ADAM33: variants seen among roughly 807,000 people sequenced by gnomAD.
ADAM33 encodes the protein ADAM metallopeptidase domain 33.
Under a neutral mutation model 106.2 loss-of-function variants are expected in ADAM33, and 103 were observed. The observed-to-expected ratio is 0.97, with a 90% CI of 0.83 to 1.14. The LOEUF (loss-of-function observed/expected upper bound fraction) is 1.14. Ranked by LOEUF, ADAM33 falls within the 50% of genes most tolerant of loss-of-function variation. The pLI is 0.00. For synonymous variants in ADAM33, 483 were observed against 453.0 expected (o/e 1.07, Z -0.84); for missense variants, 1,120 against 1,096.6 (o/e 1.02, Z -0.30).
intron 14 of ADAM33, 46 bp from the exon 15 acceptor site, chr20:3,672,031 C>A: frequency 6.4e-7 from 1 of 1,552,628 alleles, no homozygotes; most frequent in Non-Finnish European, 8.7e-7. Flanking sequence ...AGAGGGGCTG[C>A]GCTCAGCGGG....
At chr20:3,678,709 G>A (rs536306480) in intron 2 of ADAM33, among the ~76,000 whole-genome samples, 4 of 152,336 alleles carry the variant, frequency 2.6e-5, no homozygotes, top group African/African-American at 7.2e-5. Context: ...GTTTAAAATC[G>A]TTCAGACCTT....
rs756363803 is a variant in ADAM33 at position 3,679,497 on chromosome 20, C to T, written c.172G>A (p.Glu58Lys). The T allele has an allele frequency of 1.7e-5, 27 of 1,607,536 alleles. No individual in the cohort carries two copies. Among genetic ancestry groups the T allele is most frequent in the Non-Finnish European group, 2.2e-5 (26 of 1,177,140 alleles). ...CGGGGAGACATGGCACTGACCGGCTCCTCCAGGCTGACGGTGCGCCAGGGT... is the reference window on the plus strand; with the variant it reads ...CGGGGAGACATGGCACTGACCGGCTTCTCCAGGCTGACGGTGCGCCAGGGT... Reference protein sequence around the residue: ...GQPWRTVSLEEPVSKPDMGLV... With the variant: ...GQPWRTVSLEKPVSKPDMGLV... The change falls in exon 2 of 22, where the codon GAG becomes AAG. Residue 58 changes from glutamate (E) to lysine (K), a missense_variant. By Grantham distance (56) the Glu-to-Lys change is moderately conservative (BLOSUM62 1). Transcript: ENST00000356518.
In ADAM33 at chr20:3,672,597, G is replaced by C. The variant is rs754234183; in HGVS notation, c.1341C>G (p.His447Gln). Residue 447 changes from histidine (H) to glutamine (Q), a missense_variant, in exon 13 of 22, where the codon CAC (histidine) becomes CAG (glutamine). Physicochemically the swap from His to Gln is conservative, Grantham distance 24. Coordinates refer to ENST00000356518, the MANE Select transcript of ADAM33 (RefSeq NM_025220.5). ...GGGCCCCCGGGCGCAGCGAGCAGTT[G>C]TGAGCAAAGCAGCAGAGGTCGCGGC... ...QECRDLCCFA[H>Q]NCSLRPGAQC... 6.2e-7 allele frequency: 1 copy of C among 1,613,600 alleles called. No individual in the cohort carries two copies. Among genetic ancestry groups the C allele is most frequent in the South Asian group, 1.1e-5 (1 of 91,080 alleles).
chr20:3,679,411 C>A, intron 2 of ADAM33, 81 bp downstream of exon 2: 1 of 1,452,120 alleles, frequency 6.9e-7, no homozygotes, highest in South Asian at 1.2e-5. Context: ...CCCAGCAAAA[C>A]TAGAAGCTGT....
intron 11 of ADAM33, 53 bp downstream of exon 11, chr20:3,673,301 G>C (rs1456916755): frequency 6.5e-7 from 1 of 1,534,934 alleles, no homozygotes; most frequent in Admixed American, 2.0e-5. Context: ...CGCAGCGGAG[G>C]AAGTCCCCAG....
chr20:3,669,856 C>G (rs1364773802), intron 19 of ADAM33: 2 of 654,614 alleles, frequency 3.1e-6, no homozygotes, highest in African/African-American at 3.6e-5. Context: ...CGGCTGGCAC[C>G]TCCTCTCTCT....
Position 3,681,887 on chromosome 20 carries a change from G to A in ADAM33, c.97+21C>T, listed in dbSNP as rs1281718305. 1.9e-6 allele frequency: 3 copies of A among 1,594,052 alleles called. No homozygotes were observed. The Admixed American group carries it at 5.2e-5, about 27-fold the overall frequency. ...CCGCGCCTAGCCTGCCCCTCAGGGCGCACCCCGCCCGCGTCCTCACCTTGA... is the reference window on the plus strand; with the variant it reads ...CCGCGCCTAGCCTGCCCCTCAGGGCACACCCCGCCCGCGTCCTCACCTTGA... On this transcript the variant is annotated intron_variant, in intron 1 of 21. Transcript: ENST00000356518.
In ADAM33 at chr20:3,671,712, G is replaced by T. The variant is rs1236878819; in HGVS notation, c.1774C>A (p.Pro592Thr). Residue 592 changes from proline to threonine, a missense_variant, in exon 16 of 22, where the codon CCA (proline) becomes ACA (threonine). By Grantham distance (38) the Pro-to-Thr change is conservative (BLOSUM62 -1). Coordinates refer to ENST00000356518, the MANE Select transcript of ADAM33 (RefSeq NM_025220.5). ...TCTAGGTGAACGGTAGAGTCCACTGGCACCATGTGCGGTGCGAGCAGGCTG... is the reference window on the plus strand; with the variant it reads ...TCTAGGTGAACGGTAGAGTCCACTGTCACCATGTGCGGTGCGAGCAGGCTG... The part of the protein sequence containing the change: ...KPSLLAPHMV[P>T]VDSTVHLDGQ... The T allele has an allele frequency of 6.3e-7, 1 of 1,586,484 alleles. No individual in the cohort carries two copies. Among genetic ancestry groups the T allele is most frequent in the Admixed American group, 1.8e-5 (1 of 56,662 alleles).
chr20:3,671,447 C>G lies in ADAM33; in HGVS notation c.1955G>C (p.Arg652Pro). 6.2e-7 allele frequency: 1 copy of G among 1,612,336 alleles called. No individual in the cohort carries two copies. The highest frequency in any genetic ancestry group is 8.5e-7 in the Non-Finnish European group (1 of 1,179,236). Residue 652 changes from arginine (R) to proline (P), a missense_variant, in exon 17 of 22, where the codon CGC becomes CCC. Physicochemically the swap from Arg to Pro is moderately radical, Grantham distance 103. Transcript: ENST00000356518. ...CRKNAFQELQRCLTACHSHGV... is the reference protein window; with the variant it reads ...CRKNAFQELQPCLTACHSHGV... ...GTGGCTGTGGCAGGCAGTCAGGCAG[C>G]GCTGAAGCTCCTGGAAGGCATTCTT... is the stretch of plus-strand genomic sequence containing the variant.
chr20:3,681,132 G>A (rs913272182), intron 1 of ADAM33, among the ~76,000 whole-genome samples: 3 of 152,158 alleles, frequency 2.0e-5, no homozygotes, highest in Admixed American at 6.5e-5. Flanking sequence ...GCCCAGCCCC[G>A]CATGCCCCCT....
Position 3,673,759 on chromosome 20 carries a change from G to A in ADAM33, c.891C>T (p.Ser297=), listed in dbSNP as rs1233867025. The change falls in exon 9 of 22, where the codon TCC becomes TCT. Residue 297 remains serine, a synonymous_variant. Transcript: ENST00000356518. ...RGLWAQRPHD[S]AQLLTGRAFQ... ...GAGGCACCCACGTGAGCAGCTGCGCGGAGTCGTGGGGCCGCTGCGCCCACA... is the reference window on the plus strand; with the variant it reads ...GAGGCACCCACGTGAGCAGCTGCGCAGAGTCGTGGGGCCGCTGCGCCCACA... 1.4e-5 allele frequency: 21 copies of A among 1,520,872 alleles called. No individual in the cohort carries two copies. Among genetic ancestry groups the A allele is most frequent in the African/African-American group, 2.8e-5 (2 of 72,208 alleles). 94.2% of individuals were successfully genotyped at this position (1,520,872 alleles called of 1,614,324 possible).
At position 3,668,299 on chromosome 20, in the gene ADAM33, T is replaced by C. The variant is rs1402888092; in HGVS notation, c.*664A>G. 1.3e-5 allele frequency: 2 copies of C among 152,996 alleles called. No individual in the cohort carries two copies. Among genetic ancestry groups the C allele is most frequent in the Non-Finnish European group, 2.9e-5 (2 of 68,602 alleles). 9.5% of individuals were successfully genotyped at this position (152,996 alleles called of 1,614,324 possible). ...ATAGCCAACATGTCTTTCTTTTGAC[T>C]TCTACTTTGGTATCTTTTCTTAAAT... On this transcript the variant is annotated 3_prime_UTR_variant, in exon 22 of 22. Coordinates refer to ENST00000356518, the MANE Select transcript of ADAM33 (RefSeq NM_025220.5).
At position 3,669,104 on chromosome 20, in the gene ADAM33, A is replaced by G. The variant is rs1036850679; in HGVS notation, c.2405-104T>C. The G allele has an allele frequency of 1.4e-5, 19 of 1,401,340 alleles. 1 individual carries two copies. The South Asian group carries it at 2.2e-4, about 16-fold the overall frequency. 86.8% of individuals were successfully genotyped at this position (1,401,340 alleles called of 1,614,324 possible). On this transcript the variant is annotated intron_variant, in intron 21 of 21. Transcript: ENST00000356518. ...ACTCAGTGAGGACCAGTGATCCAGG[A>G]AAAGCCACAGCTTCTCCCTCCCCAG...
intron 3 of ADAM33, among the ~76,000 whole-genome samples, chr20:3,676,405 T>TTTTC (rs2087958672): frequency 6.6e-6 from 1 of 151,820 alleles, no homozygotes; most frequent in Admixed American, 6.6e-5. Context: ...TCTTTTTCTT[T>TTTTC]TTTCTTTTCT....
At position 3,673,627 on chromosome 20, in the gene ADAM33, G is replaced by C. The variant is rs1277491635; in HGVS notation, c.937C>G (p.Leu313Val). 2 of 1,354,884 alleles carry C rather than the reference G, an allele frequency of 1.5e-6. No individual in the cohort carries two copies. Among genetic ancestry groups the C allele is most frequent in the African/African-American group, 3.1e-5 (2 of 64,874 alleles). 83.9% of individuals were successfully genotyped at this position (1,354,884 alleles called of 1,614,324 possible). A position where few individuals can be genotyped will look rare whatever the true frequency, so the allele number is the denominator to read the frequency against. ...CGGCACATGCCCTCGACGGGCGCCA[G>C]GCCCACTGTGGCGCCCTGGAAGGCG... ...GRAFQGATVG[L>V]APVEGMCRAE... The change falls in exon 10 of 22, where the codon CTG (leucine) becomes GTG (valine). Residue 313 changes from leucine to valine, a missense_variant. Physicochemically the swap from Leu to Val is conservative, Grantham distance 32 (BLOSUM62 1). Transcript: ENST00000356518.
Position 3,674,495 on chromosome 20 carries a change from G to A in ADAM33, c.600+9C>T, listed in dbSNP as rs1279715780. The stretch of plus-strand genomic sequence containing the variant: ...GCATTCCCACTCCCATCCGATCGAT[G>A]CCCCTGACCCTGCTCTGGGGACCAC... On this transcript the variant is annotated intron_variant, in intron 6 of 21. Transcript: ENST00000356518. 1 of 1,611,550 alleles carries A rather than the reference G, an allele frequency of 6.2e-7. No homozygotes were observed. Among genetic ancestry groups the A allele is most frequent in the South Asian group, 1.1e-5 (1 of 90,824 alleles).
rs771056505 is a variant in ADAM33, at chr20:3,669,330, C to T, written c.2373G>A (p.Lys791=). The T allele has an allele frequency of 3.7e-6, 6 of 1,600,686 alleles. No homozygotes were observed. In the East Asian group the frequency reaches 1.1e-4, roughly 30 times the overall value. Residue 791 remains lysine (K), a synonymous_variant, in exon 21 of 22, where the codon AAG becomes AAA. Coordinates refer to ENST00000356518, the MANE Select transcript of ADAM33 (RefSeq NM_025220.5). ...GGTCAGGCGAGACTGCTGGCAGAGG[C>T]TTCTCAGGGTGGCTGCTGGGCTCAT... The part of the protein sequence containing the change: ...NSHEPSSHPE[K]PLPAVSPDPQ...
At position 3,671,615 on chromosome 20, in the gene ADAM33, A is replaced by ACACTT. The variant is rs2087539789; in HGVS notation, c.1870_1871insAAGTG (p.Leu624GlnfsTer4). 6 of 1,583,612 alleles carry ACACTT rather than the reference A, an allele frequency of 3.8e-6. No homozygotes were observed. Among genetic ancestry groups the ACACTT allele is most frequent in the Non-Finnish European group, 5.2e-6 (6 of 1,164,528 alleles). On this transcript the variant is annotated frameshift_variant, in exon 16 of 22. Coordinates refer to ENST00000356518, the MANE Select transcript of ADAM33 (RefSeq NM_025220.5). LOFTEE classifies it high-confidence loss of function. Reference sequence around the variant, plus strand: ...TCCACACTGGGTGCCTGGCTCTACCAGGCCCAGGCCAAGCAGGTCCAGCTG... The same window carrying ACACTT: ...TCCACACTGGGTGCCTGGCTCTACCACACTTGGCCCAGGCCAAGCAGGTCCAGCTG...
intron 1 of ADAM33, 63 bp downstream of exon 1, chr20:3,681,845 C>A: frequency 6.4e-7 from 1 of 1,558,466 alleles, no homozygotes; most frequent in South Asian, 1.2e-5. Context: ...GAGCAGAACC[C>A]ATCCCCGCCA....
Sources: allele counts gnomAD v4.1 joint callset (sites outside exome capture counted in the v4.1 genomes callset), GRCh38; gene constraint gnomAD v4.1.1; transcripts MANE v1.5; gene names NCBI Gene and HGNC (gene_info 2026-07-23, HGNC 2026-07-21).